Variants in MAPK6 observed in about 807,000 individuals in gnomAD.
MAPK6 encodes mitogen-activated protein kinase 6.
In MAPK6, 19 loss-of-function variants were observed where a neutral mutation model predicts 59.3. The observed-to-expected ratio is 0.32, with a 90% confidence interval of 0.22 to 0.47. The LOEUF is 0.47. MAPK6 is among the 20% of genes least tolerant of loss of function. The pLI is 1.00. For missense variants in MAPK6, 724 were observed against 847.9 expected, an observed-to-expected ratio of 0.85 and a Z score of 1.81; for synonymous variants, 316 against 290.3, an observed-to-expected ratio of 1.09 and a Z score of -0.90.
intron 3 of MAPK6, among the ~76,000 whole-genome samples, chr15:52,058,333 C>G (rs1326906748): frequency 1.3e-5 from 2 of 152,162 alleles, no homozygotes; most frequent in Non-Finnish European, 2.9e-5. Context: ...AGACCAGAAT[C>G]CAGATCTCTT....
upstream of MAPK6, among the ~76,000 whole-genome samples, chr15:52,018,467 T>C (rs1023554687): frequency 6.6e-6 from 1 of 152,222 alleles, no homozygotes; most frequent in African/African-American, 2.4e-5. Flanking sequence ...GCGTCTCTAA[T>C]TTCATAAATA....
intron 1 of MAPK6, among the ~76,000 whole-genome samples, chr15:52,029,542 T>C (rs1381084007): frequency 6.6e-6 from 1 of 152,210 alleles, no homozygotes; most frequent in Non-Finnish European, 1.5e-5. Flanking sequence ...ATTATCCAAC[T>C]GCCTTGCTAG....
rs60965378 is a variant in MAPK6, at chr15:52,049,351, ATTTTT to A, written c.556-621_556-617del. On this transcript the variant is annotated intron_variant, in intron 2 of 5. Coordinates refer to ENST00000261845, the MANE Select transcript of MAPK6 (RefSeq NM_002748.4). Reference sequence around the variant, plus strand: ...TGAATGTGTGGCCTAGAGTTATATAATTTTTTTTTTTTTTTTTTTTTTTTTAAAGA... The same window carrying A: ...TGAATGTGTGGCCTAGAGTTATATAATTTTTTTTTTTTTTTTTTTTAAAGA... 2.0e-4 allele frequency among the ~76,000 whole-genome samples: 22 copies of A among 109,734 alleles called. 1 individual carries two copies. Among genetic ancestry groups the A allele is most frequent in the Non-Finnish European group, 3.3e-4 (18 of 55,000 alleles). The allele number at this position is 109,734 out of a possible 152,430, so 72.0% of individuals were successfully genotyped here.
At chr15:52,031,480 A>C (rs767212713) in intron 1 of MAPK6, among the ~76,000 whole-genome samples, 41 of 152,200 alleles carry the variant, frequency 2.7e-4, no homozygotes, top group Non-Finnish European at 4.7e-4. Flanking sequence ...GTAAGGGTAT[A>C]TGTCCAACAC....
At chr15:52,049,064 A>G (rs2031691927) in intron 2 of MAPK6, among the ~76,000 whole-genome samples, 1 of 152,238 alleles carries the variant, frequency 6.6e-6, no homozygotes, top group South Asian at 2.1e-4. Flanking sequence ...AATGGAGTTA[A>G]TATCTACCAT....
intron 1 of MAPK6, among the ~76,000 whole-genome samples, chr15:52,024,073 T>G (rs1677652567): frequency 6.6e-6 from 1 of 152,242 alleles, no homozygotes; most frequent in Non-Finnish European, 1.5e-5. Flanking sequence ...TCATAAAACT[T>G]GTTTTTTAGA....
At chr15:52,059,836 G>T (rs545780649) in intron 4 of MAPK6, among the ~76,000 whole-genome samples, 2 of 152,294 alleles carry the variant, frequency 1.3e-5, no homozygotes, top group East Asian at 3.9e-4. Flanking sequence ...TTTATCAATT[G>T]TATGCTCCAT....
intron 1 of MAPK6, among the ~76,000 whole-genome samples, chr15:52,040,341 T>G (rs1412565513): frequency 6.6e-6 from 1 of 152,182 alleles, no homozygotes; most frequent in Non-Finnish European, 1.5e-5. Flanking sequence ...ATTACTCACT[T>G]GACTATGGAG....
chr15:52,051,789 G>T (rs985592324), intron 3 of MAPK6, among the ~76,000 whole-genome samples: 3 of 151,408 alleles, frequency 2.0e-5, no homozygotes, highest in Admixed American at 6.6e-5. Flanking sequence ...CACGATAATC[G>T]CTTGAACCTG....
chr15:52,052,025 A>G (rs1223354319), intron 3 of MAPK6, among the ~76,000 whole-genome samples: 1 of 152,238 alleles, frequency 6.6e-6, no homozygotes, highest in East Asian at 1.9e-4. Context: ...GCCTTCCAGC[A>G]TATATAAACA....
At chr15:52,047,597 C>G (rs1214301174) in intron 2 of MAPK6, among the ~76,000 whole-genome samples, 1 of 151,798 alleles carries the variant, frequency 6.6e-6, no homozygotes, top group Admixed American at 6.6e-5. Flanking sequence ...CTGCCTGCGT[C>G]AGCCTCCCAA....
chr15:52,055,867 C>T (rs1384277404), intron 3 of MAPK6, among the ~76,000 whole-genome samples: 2 of 152,142 alleles, frequency 1.3e-5, no homozygotes, highest in Non-Finnish European at 2.9e-5. Context: ...CACATTCGGA[C>T]ATTAAATATA....
Position 52,049,988 on chromosome 15 carries a change from T to C in MAPK6, c.556-5T>C, listed in dbSNP as rs2141095102. 6.2e-7 allele frequency: 1 copy of C among 1,609,602 alleles called. No individual in the cohort carries two copies. The highest frequency in any genetic ancestry group is 2.2e-5 in the East Asian group (1 of 44,846). Reference sequence around the variant, plus strand: ...AAAAAAGTATGTTTTTTGTTTCTTTTATAGGGTCATCTTTCTGAAGGATTG... The same window carrying C: ...AAAAAAGTATGTTTTTTGTTTCTTTCATAGGGTCATCTTTCTGAAGGATTG... On this transcript the variant is annotated splice_region_variant and splice_polypyrimidine_tract_variant and intron_variant, in intron 2 of 5. Coordinates refer to ENST00000261845, the MANE Select transcript of MAPK6 (RefSeq NM_002748.4).
At chr15:52,050,734 A>G (rs1292994318) in intron 3 of MAPK6, among the ~76,000 whole-genome samples, 1 of 152,232 alleles carries the variant, frequency 6.6e-6, no homozygotes, top group African/African-American at 2.4e-5. Context: ...AGTCAAACAG[A>G]TTTTTCACTA....
intron 2 of MAPK6, among the ~76,000 whole-genome samples, chr15:51,999,858 G>A (rs1476634509): frequency 6.6e-6 from 1 of 152,042 alleles, no homozygotes; most frequent in Non-Finnish European, 1.5e-5. Flanking sequence ...TGCCTAGGCT[G>A]GTTTTGAACT....
chr15:52,062,778 A>C (rs2141131795), intron 5 of MAPK6, among the ~76,000 whole-genome samples: 1 of 152,040 alleles, frequency 6.6e-6, no homozygotes, highest in East Asian at 1.9e-4. Flanking sequence ...TAAATAAATA[A>C]ATACATTTCT....
In MAPK6 at chr15:52,065,083, A is replaced by ACT; in HGVS notation, c.*84_*85dup. 1 of 1,316,510 alleles carries ACT rather than the reference A, an allele frequency of 7.6e-7. No individual in the cohort carries two copies. The highest frequency in any genetic ancestry group is 1.0e-6 in the Non-Finnish European group (1 of 975,290). The allele number at this position is 1,316,510 out of a possible 1,614,324, so 81.6% of individuals were successfully genotyped here. A position where few individuals can be genotyped will look rare whatever the true frequency, so the allele number is the denominator to read the frequency against. On this transcript the variant is annotated 3_prime_UTR_variant, in exon 6 of 6. Coordinates refer to ENST00000261845, the MANE Select transcript of MAPK6 (RefSeq NM_002748.4). ...ATTACTAGTGTTTAAGTCATTTTTT[A>ACT]CTTGAATCAGATGGTGTCATTTAGT...
intron 3 of MAPK6, among the ~76,000 whole-genome samples, chr15:52,013,996 G>C (rs1018069751): frequency 2.0e-5 from 3 of 152,042 alleles, no homozygotes; most frequent in African/African-American, 7.2e-5. Context: ...CATTCTCCCA[G>C]GCCTGTCAGA....
At chr15:52,043,742 ATTTTTTTTTTTTTTTT>A (rs71130125) in intron 1 of MAPK6, among the ~76,000 whole-genome samples, 1,571 of 40,958 alleles carry the variant, frequency 0.038, 69 homozygotes, top group African/African-American at 0.13. Flanking sequence ...AAGTTGTTTG[ATTTTTTTTTTTTTTTT>A]TTTTTTTTTT....
Sources: gnomAD v4.1 joint callset for allele counts (sites outside exome capture counted in the v4.1 genomes callset) on GRCh38, gnomAD v4.1.1 for gene constraint, MANE v1.5 for transcripts, NCBI Gene and HGNC (gene_info 2026-07-23, HGNC 2026-07-21) for gene names.